Variants in ASB3 observed in about 807,000 individuals in gnomAD.
ASB3 encodes ankyrin repeat and SOCS box containing 3.
In ASB3, 41 loss-of-function variants were observed where a neutral mutation model predicts 54.5. The observed-to-expected ratio is 0.75, with a 90% CI of 0.59 to 0.98. The LOEUF (loss-of-function observed/expected upper bound fraction) is 0.98. ASB3 is among the 50% of genes least tolerant of loss of function. ASB3 has a pLI of 0.00. For synonymous variants in ASB3, 266 were observed against 221.2 expected, an observed-to-expected ratio of 1.20 and a Z score of -1.80; for missense variants, 733 against 620.0, an observed-to-expected ratio of 1.18 and a Z score of -1.94.
chr2:53,761,388 A>C (rs147568187), intron 2 of ASB3, among the ~76,000 whole-genome samples: 1 of 151,968 alleles, frequency 6.6e-6, no homozygotes, highest in Non-Finnish European at 1.5e-5. Context: ...CTCCCGTTGT[A>C]TGGGGGCTCT....
intron 3 of ASB3, among the ~76,000 whole-genome samples, chr2:53,744,763 T>C (rs1672136498): frequency 6.6e-6 from 1 of 152,206 alleles, no homozygotes; most frequent in South Asian, 2.1e-4. Context: ...AAGACACTAA[T>C]GAAAAGTGAA....
intron 3 of ASB3, among the ~76,000 whole-genome samples, chr2:53,750,449 T>A (rs983424695): frequency 6.6e-6 from 1 of 152,064 alleles, no homozygotes; most frequent in African/African-American, 2.4e-5. Flanking sequence ...AAAGCAAACA[T>A]AAAGCATTCA....
chr2:53,756,027 G>A (rs1672803894), intron 2 of ASB3, among the ~76,000 whole-genome samples: 1 of 150,016 alleles, frequency 6.7e-6, no homozygotes, highest in South Asian at 2.1e-4. Flanking sequence ...TTAGCCTGAT[G>A]TGATGGCATA....
At position 53,712,781 on chromosome 2, in the gene ASB3, C is replaced by T. The variant is rs187963674; in HGVS notation, c.980+1603G>A. On this transcript the variant is annotated intron_variant, in intron 7 of 9. Transcript: ENST00000263634. ...ACACACACACACAGGCGCGCGCGCG[C>T]GCGCAATCCAAAATCATTATATTCT... Among the ~76,000 whole-genome samples the T allele has an allele frequency of 5.9e-4, 90 of 152,192 alleles. 1 individual carries two copies. The South Asian group carries it at 0.012, about 20-fold the overall frequency.
intron 7 of ASB3, among the ~76,000 whole-genome samples, chr2:53,703,126 A>T (rs1669582555): frequency 1.3e-5 from 2 of 152,228 alleles, no homozygotes; most frequent in Admixed American, 6.5e-5. Flanking sequence ...AAAGGCATTC[A>T]TATTTGCTCA....
intron 3 of ASB3, among the ~76,000 whole-genome samples, chr2:53,744,342 C>T (rs1672106127): frequency 6.7e-6 from 1 of 149,962 alleles, no homozygotes; most frequent in Non-Finnish European, 1.5e-5. Context: ...CGAGATAGTG[C>T]CACTGCACTC....
intron 3 of ASB3, among the ~76,000 whole-genome samples, chr2:53,744,413 AT>A (rs1335079245): frequency 3.3e-5 from 5 of 151,754 alleles, no homozygotes; most frequent in Admixed American, 6.6e-5. Flanking sequence ...ATTAAAAAAA[AT>A]AAAACATAGG....
intron 2 of ASB3, among the ~76,000 whole-genome samples, chr2:53,762,465 T>G (rs1278689492): frequency 6.6e-6 from 1 of 152,236 alleles, no homozygotes; most frequent in Non-Finnish European, 1.5e-5. Context: ...TTTATTTGTC[T>G]AAGGAACTTC....
At chr2:53,761,932 A>G (rs906519388) in intron 2 of ASB3, among the ~76,000 whole-genome samples, 2 of 152,254 alleles carry the variant, frequency 1.3e-5, no homozygotes, top group African/African-American at 4.8e-5. Context: ...ATATCTATCA[A>G]TAGAAGAATG....
At chr2:53,710,417 A>T (rs913425019) in intron 7 of ASB3, among the ~76,000 whole-genome samples, 3 of 152,184 alleles carry the variant, frequency 2.0e-5, no homozygotes, top group Non-Finnish European at 4.4e-5. Context: ...TAGCCTCATG[A>T]AGCACCATTA....
At chr2:53,786,094 G>T (rs1275409053) in intron 1 of ASB3, among the ~76,000 whole-genome samples, 1 of 152,176 alleles carries the variant, frequency 6.6e-6, no homozygotes, top group Non-Finnish European at 1.5e-5. Flanking sequence ...GAGCTTTAGG[G>T]AATGGTAATT....
At chr2:53,686,141 C>T (rs1668620404) in intron 9 of ASB3, among the ~76,000 whole-genome samples, 1 of 152,168 alleles carries the variant, frequency 6.6e-6, no homozygotes, top group South Asian at 2.1e-4. Flanking sequence ...AAGTGCTACT[C>T]TCTATAGCTT....
intron 5 of ASB3, among the ~76,000 whole-genome samples, chr2:53,720,069 A>T (rs916004245): frequency 6.6e-6 from 1 of 152,004 alleles, no homozygotes; most frequent in Non-Finnish European, 1.5e-5. Context: ...TCAAACTCAA[A>T]GTCATCCCTC....
intron 9 of ASB3, among the ~76,000 whole-genome samples, chr2:53,685,078 G>C (rs950105700): frequency 1.3e-5 from 2 of 152,194 alleles, no homozygotes; most frequent in African/African-American, 4.8e-5. Context: ...GCCAGAGTAT[G>C]AAGAGCCCTT....
At chr2:53,751,776 A>C (rs1672528373) in intron 2 of ASB3, among the ~76,000 whole-genome samples, 3 of 152,236 alleles carry the variant, frequency 2.0e-5, no homozygotes, top group Non-Finnish European at 4.4e-5. Flanking sequence ...TAACTCACTG[A>C]TGAAACAAGT....
At position 53,700,316 on chromosome 2, in the gene ASB3, A is replaced by C; in HGVS notation, c.1193T>G (p.Leu398Arg). The C allele has an allele frequency of 6.2e-7, 1 of 1,614,074 alleles. No individual in the cohort carries two copies. The highest frequency in any genetic ancestry group is 1.1e-5 in the South Asian group (1 of 91,056). ...CAGTGGGTCAAATCCAGCAACCAGAAGATGTGGCAACCACTCCTTATATTT... is the reference window on the plus strand; with the variant it reads ...CAGTGGGTCAAATCCAGCAACCAGACGATGTGGCAACCACTCCTTATATTT... ...QAKYKEWLPH[L>R]LVAGFDPLIL... Residue 398 changes from leucine to arginine, a missense_variant, in exon 8 of 10, where the codon CTT becomes CGT. Physicochemically the swap from Leu to Arg is moderately radical, Grantham distance 102. Transcript: ENST00000263634.
intron 3 of ASB3, among the ~76,000 whole-genome samples, chr2:53,735,551 T>C (rs1671579004): frequency 6.8e-6 from 1 of 146,470 alleles, no homozygotes; most frequent in Admixed American, 6.7e-5. Context: ...TTTAAAAATA[T>C]CAATTCTCCC....
At chr2:53,673,589 G>A (rs1274221449) in intron 9 of ASB3, among the ~76,000 whole-genome samples, 1 of 152,160 alleles carries the variant, frequency 6.6e-6, no homozygotes, top group Non-Finnish European at 1.5e-5. Context: ...TTTGTTAGGA[G>A]AAGCGTAACT....
At chr2:53,716,438 T>TC (rs1358966294) in intron 6 of ASB3, 128 bp downstream of exon 6, 5 of 1,179,144 alleles carry the variant, frequency 4.2e-6, no homozygotes, top group Non-Finnish European at 5.8e-6. Context: ...GTAGATCTGT[T>TC]CACCCAGCAG....
Sources: allele counts gnomAD v4.1 joint callset (sites outside exome capture counted in the v4.1 genomes callset), GRCh38; gene constraint gnomAD v4.1.1; transcripts MANE v1.5; gene names NCBI Gene and HGNC (gene_info 2026-07-23, HGNC 2026-07-21).